USP44: variants seen among roughly 807,000 people sequenced by gnomAD.
USP44 encodes the protein ubiquitin carboxyl-terminal hydrolase 44.
Under a neutral mutation model 69.0 loss-of-function variants are expected in USP44, and 61 were observed. The ratio of observed to expected loss-of-function variants is 0.88; its 90% confidence interval spans 0.72 to 1.09. The LOEUF (loss-of-function observed/expected upper bound fraction) is 1.09. Ranked by LOEUF, USP44 falls within the 50% of genes least tolerant of loss-of-function variation. USP44 has a pLI of 0.00. For missense variants in USP44, 753 were observed against 849.9 expected (o/e 0.89, Z 1.42); for synonymous variants, 297 against 295.4 (o/e 1.01, Z -0.06).
chr12:95,530,254 T>C (rs1043149821), intron 2 of USP44, among the ~76,000 whole-genome samples: 1 of 152,212 alleles, frequency 6.6e-6, no homozygotes, highest in African/African-American at 2.4e-5. Flanking sequence ...GACTCAGTAG[T>C]GCCAGGGCCA....
intron 1 of USP44, among the ~76,000 whole-genome samples, chr12:95,535,877 T>C (rs2077181237): frequency 6.6e-6 from 1 of 152,138 alleles, no homozygotes; most frequent in African/African-American, 2.4e-5. Context: ...TACCTGCAAG[T>C]GCCACCTCCA....
intron 1 of USP44, among the ~76,000 whole-genome samples, chr12:95,540,342 C>CT (rs61446138): frequency 0.33 from 42,679 of 130,058 alleles, 7,175 homozygotes; most frequent in South Asian, 0.37. Context: ...TTCCATCCAT[C>CT]TTTTTTTTTT....
chr12:95,536,027 TC>T (rs771335215), intron 1 of USP44, among the ~76,000 whole-genome samples: 8,666 of 143,606 alleles, frequency 0.06, 356 homozygotes, highest in Non-Finnish European at 0.096. Context: ...TTTCTTTCTT[TC>T]CTTTTTTTTC....
chr12:95,527,969 G>C (rs529497839), intron 3 of USP44, among the ~76,000 whole-genome samples: 2 of 151,752 alleles, frequency 1.3e-5, no homozygotes, highest in Admixed American at 6.6e-5. Flanking sequence ...CTCCCGAGTA[G>C]CTGGGATTAC....
chr12:95,525,539 G>T (rs559063807), intron 3 of USP44, among the ~76,000 whole-genome samples: 32 of 152,290 alleles, frequency 2.1e-4, no homozygotes, highest in African/African-American at 7.5e-4. Context: ...ATTTACCAAG[G>T]CTAGTCAGAA....
At position 95,534,286 on chromosome 12, in the gene USP44, C is replaced by T; in HGVS notation, c.-30G>A. The T allele has an allele frequency of 6.4e-7, 1 of 1,571,972 alleles. No individual in the cohort carries two copies. The highest frequency in any genetic ancestry group is 1.2e-5 in the South Asian group (1 of 84,976). ...TTAGTCTAGCTGAGAAATGCATAAT[C>T]CAAACAAGTCTCTGTTCACAACACT... is the stretch of plus-strand genomic sequence containing the variant. On this transcript the variant is annotated 5_prime_UTR_variant, in exon 2 of 6. Coordinates refer to ENST00000258499, the MANE Select transcript of USP44 (RefSeq NM_032147.5).
chr12:95,545,429 T>C (rs1053981580), intron 1 of USP44, among the ~76,000 whole-genome samples: 12 of 152,146 alleles, frequency 7.9e-5, no homozygotes, highest in Non-Finnish European at 1.6e-4. Context: ...CTATTAAAAG[T>C]TGTATGATTT....
At position 95,527,836 on chromosome 12, in the gene USP44, C is replaced by CTTCT. The variant is rs1555198851; in HGVS notation, c.1624+970_1624+971insAGAA. ...TACACTGTTTCCTTGGAGGAAGATG[C>CTTCT]TTTTTTTTTTTTTTTTTTTTTTGAG... On this transcript the variant is annotated intron_variant, in intron 3 of 5. Transcript: ENST00000258499. 2.0e-4 allele frequency among the ~76,000 whole-genome samples: 11 copies of CTTCT among 54,848 alleles called. 1 individual carries two copies. The highest frequency in any genetic ancestry group is 2.6e-4 in the Non-Finnish European group (8 of 31,148). The allele number at this position is 54,848 out of a possible 152,430, so 36.0% of individuals were successfully genotyped here. A position where few individuals can be genotyped will look rare whatever the true frequency, so the allele number is the denominator to read the frequency against.
chr12:95,518,089 T>C lies in USP44; in HGVS notation c.*65A>G. 1 of 1,535,528 alleles carries C rather than the reference T, an allele frequency of 6.5e-7. No individual in the cohort carries two copies. The highest frequency in any genetic ancestry group is 8.9e-7 in the Non-Finnish European group (1 of 1,124,454). On this transcript the variant is annotated 3_prime_UTR_variant, in exon 6 of 6. Coordinates refer to ENST00000258499, the MANE Select transcript of USP44 (RefSeq NM_032147.5). ...TCACAAGAAAAAATGAAGTTTAAAA[T>C]GGTACATCAGTCTTTTAAAAAGTAT...
At chr12:95,523,107 C>T (rs1293493977) in intron 4 of USP44, among the ~76,000 whole-genome samples, 2 of 152,162 alleles carry the variant, frequency 1.3e-5, no homozygotes, top group African/African-American at 4.8e-5. Context: ...TGCCCCTTCC[C>T]ACAAGCCATG....
chr12:95,519,707 C>T (rs2076592319), intron 5 of USP44, among the ~76,000 whole-genome samples: 1 of 149,836 alleles, frequency 6.7e-6, no homozygotes, highest in African/African-American at 2.4e-5. Flanking sequence ...GCTGGGATTA[C>T]AAGCGTGAGC....
At position 95,533,607 on chromosome 12, in the gene USP44, TG is replaced by T; in HGVS notation, c.649del (p.Gln217LysfsTer8). On this transcript the variant is annotated frameshift_variant, in exon 2 of 6. Coordinates refer to ENST00000258499, the MANE Select transcript of USP44 (RefSeq NM_032147.5). LOFTEE classifies it high-confidence loss of function. The stretch of plus-strand genomic sequence containing the variant: ...TATTATGGTCGACTGAGCGAGCCCT[TG>T]TAAACGTAAACTCTTTCTTGGAGGC... ...SMPPRKSLRL[Q>X]GLAQSTIIEI... The T allele has an allele frequency of 1.2e-6, 2 of 1,613,830 alleles. No individual in the cohort carries two copies. The highest frequency in any genetic ancestry group is 1.7e-6 in the Non-Finnish European group (2 of 1,180,024).
rs185392225 is a variant in USP44 at position 95,516,968 on chromosome 12, A to G, written c.*1186T>C. ...TGGTCTACAGAGATTAGTTGATTCT[A>G]CCCTCTCCAAATAAGATAAAGTTAG... On this transcript the variant is annotated 3_prime_UTR_variant, in exon 6 of 6. Transcript: ENST00000258499. 8 of 152,218 alleles carry G rather than the reference A, an allele frequency of 5.3e-5. No homozygotes were observed. The East Asian group carries it at 1.3e-3, about 26-fold the overall frequency. The allele number at this position is 152,218 out of a possible 1,614,324, so 9.4% of individuals were successfully genotyped here.
At chr12:95,531,693 T>C (rs1305821335) in intron 2 of USP44, among the ~76,000 whole-genome samples, 1 of 152,204 alleles carries the variant, frequency 6.6e-6, no homozygotes, top group Non-Finnish European at 1.5e-5. Context: ...CTGAAATACT[T>C]AAACAACATT....
At chr12:95,525,260 CG>C (rs1486280955) in intron 3 of USP44, among the ~76,000 whole-genome samples, 4 of 151,978 alleles carry the variant, frequency 2.6e-5, no homozygotes, top group Non-Finnish European at 5.9e-5. Context: ...TTAGTAGAGA[CG>C]GGGTTTCACT....
At chr12:95,525,336 C>T (rs2076802771) in intron 3 of USP44, among the ~76,000 whole-genome samples, 1 of 152,166 alleles carries the variant, frequency 6.6e-6, no homozygotes, top group South Asian at 2.1e-4. Flanking sequence ...TCCTAAAGTG[C>T]TGGGATTACA....
At position 95,519,432 on chromosome 12, in the gene USP44, A is replaced by ATTT. The variant is rs60940181; in HGVS notation, c.1940-1082_1940-1080dup. 1.4e-3 allele frequency among the ~76,000 whole-genome samples: 117 copies of ATTT among 84,546 alleles called. 1 individual carries two copies. Among genetic ancestry groups the ATTT allele is most frequent in the Non-Finnish European group, 1.8e-3 (85 of 46,458 alleles). The allele number at this position is 84,546 out of a possible 152,430, so 55.5% of individuals were successfully genotyped here. ...TTCAGACAAGGTATACTCAATCTGT[A>ATTT]TTTTTTTTTTTTTTTTTTTTTTTTT... is the stretch of plus-strand genomic sequence containing the variant. On this transcript the variant is annotated intron_variant, in intron 5 of 5. Transcript: ENST00000258499.
intron 1 of USP44, chr12:95,546,800 T>C (rs1006673904): frequency 3.9e-5 from 6 of 152,326 alleles, no homozygotes; most frequent in African/African-American, 1.4e-4. Flanking sequence ...ACGGGGGTTT[T>C]TCCTCCACGT....
At chr12:95,519,664 C>T (rs960266941) in intron 5 of USP44, among the ~76,000 whole-genome samples, 19 of 150,680 alleles carry the variant, frequency 1.3e-4, no homozygotes, top group Non-Finnish European at 2.5e-4. Context: ...GATCTCCTGA[C>T]CTCGTGATCC....
Sources: allele counts gnomAD v4.1 joint callset (sites outside exome capture counted in the v4.1 genomes callset), GRCh38; gene constraint gnomAD v4.1.1; transcripts MANE v1.5; gene names NCBI Gene and HGNC (gene_info 2026-07-23, HGNC 2026-07-21).